The following PTGER3 variants were observed in gnomAD, a reference collection of about 807,000 sequenced individuals.
The protein encoded by PTGER3 is prostaglandin E2 receptor EP3 subtype.
A neutral mutation model predicts 34.7 loss-of-function variants in PTGER3; 22 were observed. The ratio of observed to expected loss-of-function variants is 0.63; its 90% confidence interval spans 0.45 to 0.91. The LOEUF (loss-of-function observed/expected upper bound fraction) is 0.91. Ranked by LOEUF, PTGER3 falls within the 40% of genes least tolerant of loss-of-function variation. The pLI is 0.00. For synonymous variants in PTGER3, 241 were observed against 230.1 expected (o/e 1.05, Z -0.43); for missense variants, 468 against 519.4 (o/e 0.90, Z 0.96).
At chr1:70,854,769 T>A (rs539873286) in intron 4 of PTGER3, among the ~76,000 whole-genome samples, 13 of 152,304 alleles carry the variant, frequency 8.5e-5, no homozygotes, top group Admixed American at 5.9e-4. Context: ...AGGTAGTTCT[T>A]TATAGCAGTG....
intron 2 of PTGER3, among the ~76,000 whole-genome samples, chr1:70,985,779 G>A (rs551205622): frequency 2.0e-5 from 3 of 152,252 alleles, no homozygotes; most frequent in African/African-American, 7.2e-5. Flanking sequence ...TTCTATGTTC[G>A]TCACTTTGTT....
rs145633042 is a variant in PTGER3 at position 70,918,863 on chromosome 1, A to G, written c.*23+34900T>C. Among the ~76,000 whole-genome samples the G allele has an allele frequency of 3.7e-3, 559 of 152,220 alleles. 5 individuals are homozygous for G. Among genetic ancestry groups the G allele is most frequent in the African/African-American group, 0.013 (532 of 41,570 alleles). ...GTAGCTCTCCCTATATACTAGATAC[A>G]TGGTATATAAATACCTAAGAAAAAT... On this transcript the variant is annotated intron_variant, in intron 4 of 4. Transcript: ENST00000370931.
chr1:70,953,196 A>C, intron 3 of PTGER3: 1 of 735,976 alleles, frequency 1.4e-6, no homozygotes, highest in Non-Finnish European at 2.0e-6. Context: ...CATTATAAAT[A>C]ATCCAGAGAT....
intron 4 of PTGER3, among the ~76,000 whole-genome samples, chr1:70,942,269 A>G (rs1012079955): frequency 6.6e-6 from 1 of 152,168 alleles, no homozygotes; most frequent in Non-Finnish European, 1.5e-5. Flanking sequence ...TGTGGAAGAG[A>G]GTTGCTGGTG....
At chr1:70,946,636 A>G (rs534903879) in intron 4 of PTGER3, among the ~76,000 whole-genome samples, 1 of 152,292 alleles carries the variant, frequency 6.6e-6, no homozygotes, top group East Asian at 1.9e-4. Context: ...AAGCTGGTGT[A>G]TCTGGTAGGT....
At chr1:70,852,724 G>A (rs943002038) in exon 5 of PTGER3, 6 of 1,283,378 alleles carry the variant, frequency 4.7e-6, no homozygotes, top group Non-Finnish European at 6.8e-6. Flanking sequence ...GTGGGCTTGG[G>A]GGAAGAAGTA....
In PTGER3 at chr1:71,047,609, C is replaced by T. The variant is rs1660983570; in HGVS notation, c.-32G>A. ...TTCGAGGTGAGGAGGGGATGGCGTCCAGAGAGCCGCAGCGGGAGGGGGCAG... is the reference window on the plus strand; with the variant it reads ...TTCGAGGTGAGGAGGGGATGGCGTCTAGAGAGCCGCAGCGGGAGGGGGCAG... On this transcript the variant is annotated 5_prime_UTR_variant, in exon 1 of 4. Transcript: ENST00000306666. 1.3e-6 allele frequency: 2 copies of T among 1,482,646 alleles called. No homozygotes were observed. The highest frequency in any genetic ancestry group is 1.8e-6 in the Non-Finnish European group (2 of 1,112,200). 91.8% of individuals were successfully genotyped at this position (1,482,646 alleles called of 1,614,324 possible).
At chr1:71,043,996 T>C (rs1660534027) in intron 1 of PTGER3, among the ~76,000 whole-genome samples, 1 of 151,552 alleles carries the variant, frequency 6.6e-6, no homozygotes. Context: ...TTTGTATTTT[T>C]AGTAGAGGCG....
At chr1:70,991,848 T>G (rs1047366252) in intron 2 of PTGER3, among the ~76,000 whole-genome samples, 9 of 152,210 alleles carry the variant, frequency 5.9e-5, no homozygotes, top group African/African-American at 1.9e-4. Flanking sequence ...ATGCATTTAC[T>G]TTCTAAGAAG....
At chr1:70,880,165 G>T (rs1646359256) in intron 4 of PTGER3, among the ~76,000 whole-genome samples, 1 of 152,064 alleles carries the variant, frequency 6.6e-6, no homozygotes, top group Non-Finnish European at 1.5e-5. Context: ...ACTTGATTGT[G>T]TGGTTGCTTT....
At chr1:70,979,135 C>T (rs1653996608) in intron 2 of PTGER3, among the ~76,000 whole-genome samples, 1 of 152,134 alleles carries the variant, frequency 6.6e-6, no homozygotes, top group African/African-American at 2.4e-5. Flanking sequence ...GTGAGCCCCA[C>T]AAGAGCAGAG....
At chr1:70,952,824 A>G in exon 4 of PTGER3, 1 of 1,417,618 alleles carries the variant, frequency 7.1e-7, no homozygotes, top group Non-Finnish European at 9.3e-7. Flanking sequence ...AGTGCTCAAA[A>G]TAAGCAGGGA....
At chr1:71,006,289 G>T (rs559733328) in intron 2 of PTGER3, 1 of 985,400 alleles carries the variant, frequency 1.0e-6, no homozygotes, top group Non-Finnish European at 1.2e-6. Context: ...AAGAAAGAGG[G>T]ATACTTTTAA....
At chr1:70,896,499 C>A (rs1220775358) in intron 4 of PTGER3, among the ~76,000 whole-genome samples, 2 of 152,216 alleles carry the variant, frequency 1.3e-5, no homozygotes, top group Non-Finnish European at 2.9e-5. Context: ...ACCAGCCATG[C>A]TGACTCCTTG....
At chr1:70,879,273 G>A (rs1312437972) in intron 4 of PTGER3, among the ~76,000 whole-genome samples, 1 of 123,804 alleles carries the variant, frequency 8.1e-6, no homozygotes, top group South Asian at 3.2e-4. Context: ...TTGAGACAGA[G>A]TCTCACTCTG....
intron 4 of PTGER3, among the ~76,000 whole-genome samples, chr1:70,879,301 C>T (rs1268390282): frequency 6.6e-6 from 1 of 152,068 alleles, no homozygotes; most frequent in Non-Finnish European, 1.5e-5. Context: ...GGCTGGAGTG[C>T]AGTGGCATGG....
At chr1:70,980,137 G>A (rs1654118597) in intron 2 of PTGER3, among the ~76,000 whole-genome samples, 1 of 152,134 alleles carries the variant, frequency 6.6e-6, no homozygotes, top group Admixed American at 6.5e-5. Context: ...GACTGAATGA[G>A]CAAGAGTGGA....
intron 4 of PTGER3, among the ~76,000 whole-genome samples, chr1:70,883,250 A>G (rs911294692): frequency 6.6e-6 from 1 of 152,234 alleles, no homozygotes; most frequent in Non-Finnish European, 1.5e-5. Context: ...TAATTTTGGT[A>G]CAAAATTAGT....
intron 2 of PTGER3, chr1:71,009,768 GT>G (rs1657283178): frequency 2.0e-6 from 2 of 984,968 alleles, no homozygotes; most frequent in Non-Finnish European, 2.4e-6. Context: ...TTAGACATAT[GT>G]ATGGACAAAC....
Sources: gnomAD v4.1 joint callset for allele counts (sites outside exome capture counted in the v4.1 genomes callset) on GRCh38, gnomAD v4.1.1 for gene constraint, MANE v1.5 for transcripts, NCBI Gene and HGNC (gene_info 2026-07-23, HGNC 2026-07-21) for gene names.